The following FAM107B variants were observed in gnomAD, a reference collection of about 807,000 sequenced individuals.
FAM107B encodes the protein protein FAM107B.
In FAM107B, 21 loss-of-function variants were observed where a neutral mutation model predicts 31.5. The ratio of observed to expected loss-of-function variants is 0.67; its 90% CI spans 0.47 to 0.96. FAM107B has a LOEUF of 0.96. Ranked by LOEUF, FAM107B falls within the 40% of genes least tolerant of loss-of-function variation. The probability of loss-of-function intolerance (pLI) is 0.00; values close to 1 mark genes in which losing one functional copy is unlikely to be tolerated. For synonymous variants in FAM107B, 157 were observed against 141.5 expected, an observed-to-expected ratio of 1.11 and a Z score of -0.78; for missense variants, 452 against 377.1, an observed-to-expected ratio of 1.20 and a Z score of -1.64.
intron 2 of FAM107B, among the ~76,000 whole-genome samples, chr10:14,593,329 A>G (rs1852079486): frequency 1.3e-5 from 2 of 152,196 alleles, no homozygotes; most frequent in South Asian, 4.1e-4. Context: ...GTTTAGGAAG[A>G]TGTGACACCA....
At chr10:14,768,965 C>T (rs1057492752) in intron 1 of FAM107B, among the ~76,000 whole-genome samples, 10 of 152,166 alleles carry the variant, frequency 6.6e-5, no homozygotes, top group Non-Finnish European at 5.9e-5. Flanking sequence ...TCTAATCCAT[C>T]CTACACCTAC....
At chr10:14,596,208 T>G (rs1329831690) in intron 2 of FAM107B, among the ~76,000 whole-genome samples, 1 of 151,910 alleles carries the variant, frequency 6.6e-6, no homozygotes, top group Admixed American at 6.5e-5. Context: ...ATTCTCCTCC[T>G]CGGAGGAGCC....
At chr10:14,533,647 G>A (rs1442776200) in intron 2 of FAM107B, among the ~76,000 whole-genome samples, 1 of 152,172 alleles carries the variant, frequency 6.6e-6, no homozygotes, top group Non-Finnish European at 1.5e-5. Context: ...CCCTCAACTA[G>A]AGACAGCATA....
At chr10:14,633,060 G>A (rs556481661) in intron 2 of FAM107B, among the ~76,000 whole-genome samples, 3 of 152,116 alleles carry the variant, frequency 2.0e-5, no homozygotes, top group South Asian at 2.1e-4. Flanking sequence ...TTAGCTGGGC[G>A]TAGTGGTGCA....
intron 1 of FAM107B, among the ~76,000 whole-genome samples, chr10:14,772,782 T>G (rs1008735146): frequency 7.9e-5 from 12 of 152,198 alleles, no homozygotes; most frequent in African/African-American, 2.7e-4. Context: ...TGGCCCCATT[T>G]TGTGTTATTG....
chr10:14,703,455 C>G (rs985000781), intron 1 of FAM107B, among the ~76,000 whole-genome samples: 1 of 151,894 alleles, frequency 6.6e-6, no homozygotes, highest in Non-Finnish European at 1.5e-5. Flanking sequence ...GGTGCCTCAG[C>G]CTCCCAAGTA....
intron 1 of FAM107B, among the ~76,000 whole-genome samples, chr10:14,683,277 A>C (rs1230940015): frequency 1.3e-5 from 2 of 152,146 alleles, no homozygotes; most frequent in Admixed American, 1.3e-4. Context: ...TAGTGAAAGA[A>C]CTCACTGAGG....
chr10:14,545,211 G>C (rs1438048407), intron 2 of FAM107B, among the ~76,000 whole-genome samples: 1 of 152,096 alleles, frequency 6.6e-6, no homozygotes, highest in African/African-American at 2.4e-5. Context: ...CATGCAGCTA[G>C]CTCCAGAGTC....
chr10:14,731,064 C>T (rs1320707842), intron 1 of FAM107B, among the ~76,000 whole-genome samples: 1 of 152,174 alleles, frequency 6.6e-6, no homozygotes, highest in Non-Finnish European at 1.5e-5. Flanking sequence ...ATATTACAGA[C>T]TTTGTTTTGA....
intron 2 of FAM107B, among the ~76,000 whole-genome samples, chr10:14,588,265 G>A (rs1326090778): frequency 6.6e-6 from 1 of 152,102 alleles, no homozygotes; most frequent in Non-Finnish European, 1.5e-5. Context: ...AGCAGTCCTG[G>A]TAGAGTCAGT....
intron 2 of FAM107B, among the ~76,000 whole-genome samples, chr10:14,581,627 G>A (rs528194860): frequency 2.0e-5 from 3 of 152,344 alleles, no homozygotes; most frequent in South Asian, 2.1e-4. Context: ...CCAGCCAGGC[G>A]CGGTGGCTCA....
At chr10:14,638,295 TC>T (rs397845342) in intron 2 of FAM107B, among the ~76,000 whole-genome samples, 107 of 151,754 alleles carry the variant, frequency 7.1e-4, no homozygotes, top group Middle Eastern at 3.4e-3. Flanking sequence ...TTTTTTTTTT[TC>T]CCCTCTGTAA....
At chr10:14,598,429 C>G (rs144789229) in intron 2 of FAM107B, among the ~76,000 whole-genome samples, 5 of 152,268 alleles carry the variant, frequency 3.3e-5, no homozygotes, top group African/African-American at 1.2e-4. Context: ...CCTGGAGGAC[C>G]AAGTGAAAGA....
At chr10:14,599,567 C>A (rs1852300468) in intron 2 of FAM107B, among the ~76,000 whole-genome samples, 1 of 152,064 alleles carries the variant, frequency 6.6e-6, no homozygotes, top group Non-Finnish European at 1.5e-5. Flanking sequence ...CTTTGGGAGG[C>A]CAAGGCAGGA....
At position 14,769,578 on chromosome 10, in the gene FAM107B, G is replaced by T. The variant is rs554528260; in HGVS notation, c.411+4675C>A. Among the ~76,000 whole-genome samples the T allele has an allele frequency of 1.2e-4, 18 of 152,146 alleles. No homozygotes were observed. In the East Asian group the frequency reaches 3.1e-3, roughly 26 times the overall value. On this transcript the variant is annotated intron_variant, in intron 1 of 4. Transcript: ENST00000181796. ...TTTTTGTATTTTTAGTAGAGACGGG[G>T]TTTCACGATGTTGGCCAGGCTGGTC...
chr10:14,553,453 C>G (rs1849439987), intron 2 of FAM107B: 1 of 898,324 alleles, frequency 1.1e-6, no homozygotes, highest in African/African-American at 1.8e-5. Flanking sequence ...ATCATTCTAT[C>G]TGCATAATTT....
At chr10:14,580,798 T>A (rs1394404591) in intron 2 of FAM107B, among the ~76,000 whole-genome samples, 1 of 152,230 alleles carries the variant, frequency 6.6e-6, no homozygotes, top group Non-Finnish European at 1.5e-5. Flanking sequence ...GCTAGCAGGA[T>A]CCTCACACTT....
At chr10:14,620,189 T>G (rs1317241502) in intron 2 of FAM107B, among the ~76,000 whole-genome samples, 2 of 152,074 alleles carry the variant, frequency 1.3e-5, no homozygotes, top group African/African-American at 4.8e-5. Context: ...CAGCTAATTT[T>G]TGTATTTTTA....
At chr10:14,628,596 T>G (rs893243076) in intron 2 of FAM107B, among the ~76,000 whole-genome samples, 2 of 152,224 alleles carry the variant, frequency 1.3e-5, no homozygotes, top group Non-Finnish European at 1.5e-5. Context: ...CTTTGGTGGG[T>G]AAATATATTT....
Sources: gnomAD v4.1 joint callset for allele counts (sites outside exome capture counted in the v4.1 genomes callset) on GRCh38, gnomAD v4.1.1 for gene constraint, MANE v1.5 for transcripts, NCBI Gene and HGNC (gene_info 2026-07-23, HGNC 2026-07-21) for gene names.